PDE10A: variants seen among roughly 807,000 people sequenced by gnomAD.
PDE10A encodes the protein cAMP and cAMP-inhibited cGMP 3',5'-cyclic phosphodiesterase 10A.
A neutral mutation model predicts 97.7 loss-of-function variants in PDE10A; 39 were observed. That is an observed-to-expected ratio of 0.40 (90% CI 0.31 to 0.52). The LOEUF (loss-of-function observed/expected upper bound fraction) is 0.52. PDE10A is among the 20% of genes least tolerant of loss of function. The probability of loss-of-function intolerance (pLI) is 0.56; values close to 1 mark genes in which losing one functional copy is unlikely to be tolerated. For missense variants in PDE10A, 731 were observed against 1,047.8 expected, an observed-to-expected ratio of 0.70 and a Z score of 4.17; for synonymous variants, 371 against 376.8, an observed-to-expected ratio of 0.98 and a Z score of 0.18.
intron 17 of PDE10A, among the ~76,000 whole-genome samples, chr6:165,385,800 TTC>T (rs1785264501): frequency 6.6e-6 from 1 of 152,204 alleles, no homozygotes; most frequent in Non-Finnish European, 1.5e-5. Context: ...CCAATATTAT[TTC>T]TCTCTGGGCG....
At chr6:165,904,086 T>C (rs950148384) in intron 1 of PDE10A, among the ~76,000 whole-genome samples, 2 of 151,986 alleles carry the variant, frequency 1.3e-5, no homozygotes, top group Admixed American at 6.6e-5. Context: ...CTGGAGAGAA[T>C]TATAGGACGT....
chr6:165,376,109 G>A (rs1784589406), intron 18 of PDE10A, among the ~76,000 whole-genome samples: 1 of 152,176 alleles, frequency 6.6e-6, no homozygotes, highest in South Asian at 2.1e-4. Flanking sequence ...AATACATCTT[G>A]TAAGAATATA....
chr6:165,712,867 C>T (rs916625415), intron 1 of PDE10A, among the ~76,000 whole-genome samples: 2 of 152,118 alleles, frequency 1.3e-5, no homozygotes, highest in African/African-American at 4.8e-5. Context: ...GTCTCGATCT[C>T]CTGACCTCGT....
intron 1 of PDE10A, among the ~76,000 whole-genome samples, chr6:165,959,936 C>A (rs1334155567): frequency 6.6e-6 from 1 of 152,136 alleles, no homozygotes; most frequent in Non-Finnish European, 1.5e-5. Context: ...TCCTGCAGCT[C>A]TCCCTGCCCC....
chr6:165,364,526 T>C (rs957845801), intron 18 of PDE10A, among the ~76,000 whole-genome samples: 6 of 152,172 alleles, frequency 3.9e-5, no homozygotes, highest in Admixed American at 3.9e-4. Flanking sequence ...ATATAATCTA[T>C]AAAGAAAGAA....
At chr6:165,353,229 C>T (rs1366340441) in intron 18 of PDE10A, among the ~76,000 whole-genome samples, 1 of 152,116 alleles carries the variant, frequency 6.6e-6, no homozygotes, top group African/African-American at 2.4e-5. Context: ...TCATTCATTG[C>T]TGGTGGGAAT....
chr6:165,695,916 G>C (rs916027665), intron 1 of PDE10A, among the ~76,000 whole-genome samples: 1 of 152,152 alleles, frequency 6.6e-6, no homozygotes. Flanking sequence ...TATGCTCCAG[G>C]GCACTGTTGA....
chr6:165,816,010 C>T (rs754129595), intron 1 of PDE10A, among the ~76,000 whole-genome samples: 1 of 151,684 alleles, frequency 6.6e-6, no homozygotes, highest in Non-Finnish European at 1.5e-5. Context: ...AGTGCAGTGG[C>T]GTGATCTCAA....
chr6:165,604,626 C>T (rs1033068889), intron 1 of PDE10A, among the ~76,000 whole-genome samples: 1 of 152,052 alleles, frequency 6.6e-6, no homozygotes, highest in Non-Finnish European at 1.5e-5. Flanking sequence ...AAGAAATAAC[C>T]GGAAACATCC....
intron 1 of PDE10A, among the ~76,000 whole-genome samples, chr6:165,638,491 T>C (rs1788983165): frequency 6.6e-6 from 1 of 152,240 alleles, no homozygotes; most frequent in African/African-American, 2.4e-5. Flanking sequence ...TGTGTTGTGT[T>C]CTGAAAGGAC....
At chr6:165,818,086 T>C (rs372456023) in intron 1 of PDE10A, among the ~76,000 whole-genome samples, 3 of 152,142 alleles carry the variant, frequency 2.0e-5, no homozygotes, top group East Asian at 3.9e-4. Context: ...GAACGCTCAA[T>C]TGTGATGAGG....
intron 1 of PDE10A, among the ~76,000 whole-genome samples, chr6:165,787,809 A>G (rs545779859): frequency 9.2e-5 from 14 of 152,334 alleles, no homozygotes; most frequent in Admixed American, 9.2e-4. Context: ...TCCACTGCGA[A>G]GTCAATCTGG....
At position 165,482,235 on chromosome 6, in the gene PDE10A, T is replaced by C. The variant is rs1779646055; in HGVS notation, c.1023+80A>G. On this transcript the variant is annotated intron_variant, in intron 3 of 21. Transcript: ENST00000539869. ...TGCCATAATCTTTCTGATACTTTAATGTGTTAGAGTACTGAGAGATAAACA... is the reference window on the plus strand; with the variant it reads ...TGCCATAATCTTTCTGATACTTTAACGTGTTAGAGTACTGAGAGATAAACA... 5 of 923,180 alleles carry C rather than the reference T, an allele frequency of 5.4e-6. No individual in the cohort carries two copies. The Admixed American group carries it at 8.9e-5, about 16-fold the overall frequency. 57.2% of individuals were successfully genotyped at this position (923,180 alleles called of 1,614,324 possible).
intron 1 of PDE10A, among the ~76,000 whole-genome samples, chr6:165,683,182 G>C (rs1438630429): frequency 2.0e-5 from 3 of 152,158 alleles, no homozygotes; most frequent in African/African-American, 4.8e-5. Flanking sequence ...CTCTGAAAGG[G>C]ATTACCTTAC....
At chr6:165,498,842 T>C (rs1177802111) in intron 2 of PDE10A, among the ~76,000 whole-genome samples, 3 of 152,224 alleles carry the variant, frequency 2.0e-5, no homozygotes, top group Non-Finnish European at 2.9e-5. Flanking sequence ...ATTGCTCTAA[T>C]TACTACTAAC....
chr6:165,804,049 G>A (rs1779050422), intron 1 of PDE10A, among the ~76,000 whole-genome samples: 1 of 152,140 alleles, frequency 6.6e-6, no homozygotes. Context: ...ATTGCAAGGT[G>A]GATGCTTTTG....
exon 1 of PDE10A, chr6:165,987,635 C>T (rs746525496): frequency 2.1e-5 from 9 of 433,090 alleles, no homozygotes; most frequent in Non-Finnish European, 3.6e-5. Flanking sequence ...GGCAAGGCGC[C>T]GGGAGCACAG....
intron 2 of PDE10A, among the ~76,000 whole-genome samples, chr6:165,509,585 G>GT: frequency 7.1e-6 from 1 of 141,012 alleles, no homozygotes; most frequent in South Asian, 2.3e-4. Flanking sequence ...CAAATTTCAG[G>GT]ATTTTTTTTT....
At chr6:165,683,200 T>C (rs908396138) in intron 1 of PDE10A, among the ~76,000 whole-genome samples, 4 of 152,188 alleles carry the variant, frequency 2.6e-5, no homozygotes, top group Admixed American at 6.5e-5. Flanking sequence ...TACAGAGGCC[T>C]GTGCAGCGCT....
Sources: gnomAD v4.1 joint callset for allele counts (sites outside exome capture counted in the v4.1 genomes callset) on GRCh38, gnomAD v4.1.1 for gene constraint, MANE v1.5 for transcripts, NCBI Gene and HGNC (gene_info 2026-07-23, HGNC 2026-07-21) for gene names.